The following IRAG2 variants were observed in gnomAD, a reference collection of about 807,000 sequenced individuals.
IRAG2 encodes inositol 1,4,5-triphosphate receptor associated 2, also known as lymphoid restricted membrane protein.
A neutral mutation model predicts 69.9 loss-of-function variants in IRAG2; 45 were observed. The ratio of observed to expected loss-of-function variants is 0.64; its 90% CI spans 0.51 to 0.83. The LOEUF (loss-of-function observed/expected upper bound fraction) is 0.83, where lower values mean the gene tolerates loss of function less well. IRAG2 is among the 40% of genes least tolerant of loss of function. The pLI is 0.00. For missense variants in IRAG2, 520 were observed against 587.0 expected (o/e 0.89, Z 1.18); for synonymous variants, 193 against 202.4 (o/e 0.95, Z 0.40).
rs756592312 is a variant in IRAG2 at position 25,052,841 on chromosome 12, G to A, written c.-562G>A. On this transcript the variant is annotated 5_prime_UTR_variant, in exon 1 of 22. Coordinates refer to ENST00000556887, the MANE Select transcript of IRAG2 (RefSeq NM_001366544.2). The stretch of plus-strand genomic sequence containing the variant: ...CCCACACTGCCAGTGAAAAAGCTAC[G>A]TCTTTACTGCATAAATTAGAGGAAG... 25 of 398,470 alleles carry A rather than the reference G, an allele frequency of 6.3e-5. No homozygotes were observed. The highest frequency in any genetic ancestry group is 6.2e-4 in the Middle Eastern group (1 of 1,610). 24.7% of individuals were successfully genotyped at this position (398,470 alleles called of 1,614,324 possible).
chr12:25,053,251 CAAG>C (rs1944971236), intron 1 of IRAG2, among the ~76,000 whole-genome samples: 1 of 150,810 alleles, frequency 6.6e-6, no homozygotes, highest in African/African-American at 2.4e-5. Flanking sequence ...TAAAAGTAAA[CAAG>C]GAGAAAAATC....
chr12:25,017,393 T>C (rs1944539070), intron 6 of IRAG2: 36 of 1,035,658 alleles, frequency 3.5e-5, no homozygotes, highest in Non-Finnish European at 4.2e-5. Context: ...TAAAATTCAT[T>C]CTCTTAAAGT....
At chr12:25,041,260 T>C (rs1181984182) in intron 16 of IRAG2, among the ~76,000 whole-genome samples, 1 of 152,192 alleles carries the variant, frequency 6.6e-6, no homozygotes, top group Non-Finnish European at 1.5e-5. Context: ...ACACACAGCC[T>C]TTGCAGTCCA....
intron 14 of IRAG2, chr12:25,092,769 TTA>T (rs2140185254): frequency 6.4e-6 from 1 of 157,348 alleles, no homozygotes; most frequent in African/African-American, 2.4e-5. Context: ...TGGATGAATC[TTA>T]TGTTTCCTTT....
At chr12:25,037,209 C>G (rs921877897) in intron 15 of IRAG2, among the ~76,000 whole-genome samples, 3 of 152,032 alleles carry the variant, frequency 2.0e-5, no homozygotes, top group African/African-American at 7.3e-5. Context: ...TGACTGCCAG[C>G]CACTTTCTAG....
At chr12:25,068,950 C>T (rs1361273395) in intron 5 of IRAG2, among the ~76,000 whole-genome samples, 1 of 152,184 alleles carries the variant, frequency 6.6e-6, no homozygotes, top group Non-Finnish European at 1.5e-5. Flanking sequence ...GGAACCTATA[C>T]CTGTCCCTGC....
chr12:25,023,243 G>T (rs1468702519), intron 7 of IRAG2, among the ~76,000 whole-genome samples: 1 of 151,820 alleles, frequency 6.6e-6, no homozygotes, highest in Non-Finnish European at 1.5e-5. Context: ...CCTAGCTTGA[G>T]ATATTTTTTC....
exon 5 of IRAG2, chr12:25,015,356 T>C (rs2139827260): frequency 8.1e-7 from 1 of 1,232,002 alleles, no homozygotes; most frequent in Non-Finnish European, 1.0e-6. Flanking sequence ...TCAGTGAAGA[T>C]GAGCACAGAT....
chr12:25,016,845 T>C (rs1944533349), intron 5 of IRAG2, among the ~76,000 whole-genome samples: 1 of 152,096 alleles, frequency 6.6e-6, no homozygotes, highest in African/African-American at 2.4e-5. Flanking sequence ...AAGACAAATG[T>C]TGAGAGTGAA....
chr12:25,102,808 GA>G (rs1306995342), intron 17 of IRAG2: 5 of 152,322 alleles, frequency 3.3e-5, no homozygotes, highest in African/African-American at 1.2e-4. Context: ...TAAAAATCAG[GA>G]GGCTTATTAC....
chr12:25,045,370 T>C (rs1944784777), intron 16 of IRAG2, among the ~76,000 whole-genome samples: 1 of 151,926 alleles, frequency 6.6e-6, no homozygotes, highest in South Asian at 2.1e-4. Flanking sequence ...AGCCCAAAGT[T>C]CCTTCCCAAG....
intron 14 of IRAG2, chr12:25,036,538 TA>T: frequency 5.0e-6 from 2 of 398,588 alleles, no homozygotes; most frequent in Non-Finnish European, 8.9e-6. Flanking sequence ...TCTGATTATA[TA>T]ATAGCATATG....
intron 20 of IRAG2, among the ~76,000 whole-genome samples, chr12:25,106,608 T>C (rs1043864166): frequency 3.4e-5 from 5 of 146,952 alleles, no homozygotes; most frequent in African/African-American, 5.0e-5. Flanking sequence ...TGGTTAATGA[T>C]GAGACTAACT....
chr12:25,026,697 T>TTTTAGA, intron 8 of IRAG2: 1 of 495,454 alleles, frequency 2.0e-6, no homozygotes, highest in Admixed American at 4.4e-5. Flanking sequence ...ATACTGAGAG[T>TTTTAGA]GATGAAATAC....
At chr12:25,092,590 A>ACAGTTT (rs140164215) in intron 14 of IRAG2, 15,362 of 144,194 alleles carry the variant, frequency 0.11, 1,108 homozygotes, top group Admixed American at 0.14. Flanking sequence ...AAAAAAAAGG[A>ACAGTTT]CAGTTTCAGA....
At chr12:25,021,611 GTTCAACTGT>G (rs1049368264) in intron 7 of IRAG2, among the ~76,000 whole-genome samples, 49 of 152,142 alleles carry the variant, frequency 3.2e-4, no homozygotes, top group Admixed American at 1.7e-3. Context: ...TATTGAGAAG[GTTCAACTGT>G]TGTATAAAGA....
chr12:25,013,968 G>A (rs1373681741), intron 3 of IRAG2, among the ~76,000 whole-genome samples: 1 of 139,616 alleles, frequency 7.2e-6, no homozygotes, highest in Non-Finnish European at 1.5e-5. Flanking sequence ...TCCGCCTCCA[G>A]GGTTCATGCC....
chr12:25,081,882 A>G (rs1947241411), intron 9 of IRAG2, among the ~76,000 whole-genome samples: 1 of 152,130 alleles, frequency 6.6e-6, no homozygotes. Flanking sequence ...TTGTGAAAAA[A>G]AGGACAGAAA....
chr12:25,006,350 G>A (rs1450834924), intron 2 of IRAG2: 1 of 152,180 alleles, frequency 6.6e-6, no homozygotes, highest in Non-Finnish European at 1.5e-5. Flanking sequence ...GCTACCATTT[G>A]AGCCAGCAAT....
Sources: allele counts gnomAD v4.1 joint callset (sites outside exome capture counted in the v4.1 genomes callset), GRCh38; gene constraint gnomAD v4.1.1; transcripts MANE v1.5; gene names NCBI Gene and HGNC (gene_info 2026-07-23, HGNC 2026-07-21).